The following BZW2 variants were observed in gnomAD, a reference collection of about 807,000 sequenced individuals.
BZW2 encodes eIF5-mimic protein 1.
Under a neutral mutation model 53.2 loss-of-function variants are expected in BZW2, and 23 were observed. The observed-to-expected ratio is 0.43, with a 90% confidence interval of 0.31 to 0.61. BZW2 has a LOEUF of 0.61. Among genes scored for constraint, BZW2 ranks in the 20% least tolerant of loss-of-function variants. The pLI is 0.09. For synonymous variants in BZW2, 227 were observed against 186.4 expected (o/e 1.22, Z -1.77); for missense variants, 409 against 503.1 (o/e 0.81, Z 1.79).
At chr7:16,670,082 G>C (rs917845587) in intron 2 of BZW2, among the ~76,000 whole-genome samples, 4 of 152,064 alleles carry the variant, frequency 2.6e-5, no homozygotes, top group Non-Finnish European at 5.9e-5. Context: ...CCTTTTGATG[G>C]TCACTTTGTT....
Position 16,696,909 on chromosome 7 carries a change from ATG to A in BZW2, c.823-4_823-3del. On this transcript the variant is annotated splice_region_variant and splice_polypyrimidine_tract_variant and intron_variant, in intron 8 of 11. Coordinates refer to ENST00000258761, the MANE Select transcript of BZW2 (RefSeq NM_014038.3). ...TACTTTCTGACCCCATTTCCATGTA[ATG>A]TAGGTGGTGCTTTATGTCAAAGAAG... The A allele has an allele frequency of 6.2e-7, 1 of 1,613,896 alleles. No homozygotes were observed. The highest frequency in any genetic ancestry group is 8.5e-7 in the Non-Finnish European group (1 of 1,179,852).
intron 1 of BZW2, among the ~76,000 whole-genome samples, chr7:16,653,271 T>G (rs1421610854): frequency 6.6e-6 from 1 of 152,210 alleles, no homozygotes; most frequent in Non-Finnish European, 1.5e-5. Context: ...TAGGCCTTAC[T>G]TTTCTTTTTA....
chr7:16,666,902 A>G, intron 2 of BZW2, among the ~76,000 whole-genome samples: 1 of 151,514 alleles, frequency 6.6e-6, no homozygotes, highest in Non-Finnish European at 1.5e-5. Context: ...GGCATGAGCC[A>G]CTACACCAAG....
At chr7:16,685,576 T>G (rs1196540660) in intron 5 of BZW2, among the ~76,000 whole-genome samples, 1 of 152,212 alleles carries the variant, frequency 6.6e-6, no homozygotes, top group East Asian at 1.9e-4. Context: ...CCATCATGTA[T>G]ACTTAACTCT....
chr7:16,685,456 T>C (rs1293407612), intron 5 of BZW2, among the ~76,000 whole-genome samples: 1 of 152,028 alleles, frequency 6.6e-6, no homozygotes, highest in Non-Finnish European at 1.5e-5. Context: ...GTTTCTATGT[T>C]TTTGCCGTAC....
At chr7:16,664,700 G>A (rs1782367231) in intron 1 of BZW2, among the ~76,000 whole-genome samples, 1 of 152,160 alleles carries the variant, frequency 6.6e-6, no homozygotes, top group African/African-American at 2.4e-5. Context: ...ACTTATTTGA[G>A]GACATTTCAT....
intron 11 of BZW2, among the ~76,000 whole-genome samples, chr7:16,705,746 A>G (rs142614555): frequency 1.2e-3 from 172 of 149,502 alleles, no homozygotes; most frequent in African/African-American, 3.8e-3. Flanking sequence ...GAAAAGTTAT[A>G]TTGTTTAATT....
chr7:16,688,850 A>C lies in BZW2; in HGVS notation c.542-947A>C, dbSNP rs570161424. On this transcript the variant is annotated intron_variant, in intron 6 of 11. Transcript: ENST00000258761. ...TTCCTGATTTAACATAACTAGCTTA[A>C]TAATGATTTTTTTTTAAATCCAGAA... 2.0e-5 allele frequency among the ~76,000 whole-genome samples: 3 copies of C among 149,222 alleles called. No homozygotes were observed. The East Asian group carries it at 5.8e-4, about 29-fold the overall frequency.
intron 1 of BZW2, among the ~76,000 whole-genome samples, chr7:16,659,888 A>C (rs150874305): frequency 0.021 from 3,160 of 151,424 alleles, 88 homozygotes; most frequent in African/African-American, 0.071. Flanking sequence ...TCTAGGGTAC[A>C]TGTGCACAAC....
intron 2 of BZW2, among the ~76,000 whole-genome samples, chr7:16,670,030 C>A (rs951226780): frequency 6.6e-5 from 10 of 152,184 alleles, no homozygotes; most frequent in African/African-American, 2.4e-4. Flanking sequence ...CTCAAGTTTT[C>A]ATTAGTGTTC....
chr7:16,689,180 C>T (rs186588664), intron 6 of BZW2, among the ~76,000 whole-genome samples: 6 of 152,204 alleles, frequency 3.9e-5, no homozygotes, highest in African/African-American at 9.6e-5. Context: ...GAGCCGAGAT[C>T]GTGCTACTTC....
intron 1 of BZW2, among the ~76,000 whole-genome samples, chr7:16,655,405 T>G (rs1208074399): frequency 6.6e-6 from 1 of 152,206 alleles, no homozygotes; most frequent in Non-Finnish European, 1.5e-5. Context: ...TGACATATAG[T>G]AATTTTTCAT....
At chr7:16,682,711 G>A in intron 4 of BZW2, 69 bp from the exon 5 acceptor site, 2 of 917,778 alleles carry the variant, frequency 2.2e-6, no homozygotes, top group Non-Finnish European at 3.3e-6. Flanking sequence ...TGTCATTATA[G>A]TGAGTTTCTA....
intron 5 of BZW2, 74 bp from the exon 6 acceptor site, chr7:16,685,831 C>T: frequency 6.9e-7 from 1 of 1,454,108 alleles, no homozygotes; most frequent in East Asian, 2.5e-5. Context: ...CCACTTCAGT[C>T]CTTTGCTTCA....
chr7:16,697,563 A>AT (rs1326081930), intron 9 of BZW2, among the ~76,000 whole-genome samples: 3 of 152,184 alleles, frequency 2.0e-5, no homozygotes, highest in African/African-American at 7.2e-5. Context: ...TTTGGAAGAG[A>AT]TAAGTATTGA....
At chr7:16,678,819 C>T (rs59800459) in intron 3 of BZW2, among the ~76,000 whole-genome samples, 3,165 of 151,648 alleles carry the variant, frequency 0.021, 102 homozygotes, top group African/African-American at 0.072. Flanking sequence ...AGCTGGGTCT[C>T]GGGGGGTGAC....
chr7:16,680,621 A>G (rs1198009776), intron 3 of BZW2, among the ~76,000 whole-genome samples: 2 of 152,120 alleles, frequency 1.3e-5, no homozygotes, highest in Non-Finnish European at 2.9e-5. Flanking sequence ...CCTGGGCAAC[A>G]TGGGAAAACC....
At chr7:16,666,253 C>A (rs900402752) in intron 2 of BZW2, among the ~76,000 whole-genome samples, 18 of 152,074 alleles carry the variant, frequency 1.2e-4, no homozygotes, top group Middle Eastern at 6.8e-3. Context: ...CACCACCACA[C>A]CTGGCTACGT....
chr7:16,704,753 CTTGA>C, intron 11 of BZW2, 84 bp downstream of exon 11: 1 of 1,315,680 alleles, frequency 7.6e-7, no homozygotes. Context: ...ACAGATTTTA[CTTGA>C]TTTTCTAAAA....
Sources: allele counts gnomAD v4.1 joint callset (sites outside exome capture counted in the v4.1 genomes callset), GRCh38; gene constraint gnomAD v4.1.1; transcripts MANE v1.5; gene names NCBI Gene and HGNC (gene_info 2026-07-23, HGNC 2026-07-21).